COLEC11: variants seen among roughly 807,000 people sequenced by gnomAD.
COLEC11 encodes the protein collectin subfamily member 11.
In COLEC11, 20 loss-of-function variants were observed where a neutral mutation model predicts 27.3. That is an observed-to-expected ratio of 0.73 (90% confidence interval 0.51 to 1.06). The LOEUF is 1.06. COLEC11 is among the 50% of genes least tolerant of loss of function. COLEC11 has a pLI of 0.00. For missense variants in COLEC11, 310 were observed against 383.0 expected, an observed-to-expected ratio of 0.81 and a Z score of 1.59; for synonymous variants, 163 against 154.7, an observed-to-expected ratio of 1.05 and a Z score of -0.40.
At chr2:3,632,639 AT>A (rs1665104131) in intron 3 of COLEC11, among the ~76,000 whole-genome samples, 1 of 152,190 alleles carries the variant, frequency 6.6e-6, no homozygotes, top group East Asian at 1.9e-4. Context: ...CATCGTCAGA[AT>A]TTTGGAGGAT....
chr2:3,640,987 AC>A (rs949609966), intron 5 of COLEC11, among the ~76,000 whole-genome samples: 121 of 101,800 alleles, frequency 1.2e-3, no homozygotes, highest in Non-Finnish European at 5.0e-4. Context: ...CACGGTGGAC[AC>A]CCACCCACCA....
chr2:3,604,314 G>A lies in COLEC11; in HGVS notation c.-26-1G>A, dbSNP rs1307999201. On this transcript the variant is annotated splice_acceptor_variant, in intron 1 of 6. Transcript: ENST00000349077. LOFTEE classifies it low-confidence loss of function (5UTR_SPLICE). ...CACTGTTTATTCCTTCCTCTGTGTAGGAGTTGGTGTCCTGCCTGCGCTCAG... is the reference window on the plus strand; with the variant it reads ...CACTGTTTATTCCTTCCTCTGTGTAAGAGTTGGTGTCCTGCCTGCGCTCAG... The A allele has an allele frequency of 9.9e-6, 16 of 1,614,164 alleles. No individual in the cohort carries two copies. The highest frequency in any genetic ancestry group is 1.0e-5 in the Non-Finnish European group (12 of 1,179,990).
At chr2:3,635,493 A>G (rs115021215) in intron 3 of COLEC11, among the ~76,000 whole-genome samples, 330 of 151,482 alleles carry the variant, frequency 2.2e-3, no homozygotes, top group Non-Finnish European at 3.6e-3. Flanking sequence ...GATGCACCAC[A>G]CCCTCTCCGA....
At chr2:3,606,335 C>CCAA in intron 2 of COLEC11, 1 of 1,121,148 alleles carries the variant, frequency 8.9e-7, no homozygotes, top group Non-Finnish European at 1.3e-6. Flanking sequence ...AGGGTCCTTC[C>CCAA]CAGCTGTCCA....
At chr2:3,635,577 C>T (rs781376851) in intron 3 of COLEC11, among the ~76,000 whole-genome samples, 14 of 152,218 alleles carry the variant, frequency 9.2e-5, no homozygotes, top group Admixed American at 2.0e-4. Context: ...TTCCCTCGCA[C>T]GCACTGCAGT....
intron 3 of COLEC11, chr2:3,626,087 C>T (rs1490142418): frequency 5.0e-6 from 8 of 1,613,322 alleles, no homozygotes; most frequent in Admixed American, 1.7e-5. Flanking sequence ...GAAATGGGAT[C>T]ACAGGGTAAT....
chr2:3,613,976 CTTTCT>C (rs759418722), intron 3 of COLEC11, among the ~76,000 whole-genome samples: 5 of 91,310 alleles, frequency 5.5e-5, no homozygotes, highest in Admixed American at 1.4e-4. Context: ...TTCTTTCTTT[CTTTCT>C]TTTTTTTTTT....
At chr2:3,630,114 G>A (rs1664878987) in intron 3 of COLEC11, among the ~76,000 whole-genome samples, 1 of 109,336 alleles carries the variant, frequency 9.1e-6, no homozygotes, top group Non-Finnish European at 1.9e-5. Context: ...TATGTATGTG[G>A]AGGTGAATGC....
At chr2:3,603,381 A>C in intron 1 of COLEC11, 1 of 442,292 alleles carries the variant, frequency 2.3e-6, no homozygotes. Context: ...TAGTGGCGTG[A>C]TCTCAGGTCA....
chr2:3,616,764 G>T (rs1302202021), intron 3 of COLEC11, among the ~76,000 whole-genome samples: 2 of 150,188 alleles, frequency 1.3e-5, no homozygotes, highest in East Asian at 3.9e-4. Context: ...GAGAGGGAGA[G>T]GGAGACCGTG....
intron 2 of COLEC11, chr2:3,605,957 G>C: frequency 1.8e-6 from 2 of 1,116,712 alleles, no homozygotes; most frequent in Non-Finnish European, 2.5e-6. Flanking sequence ...AAGCCCAGTG[G>C]CCTTTGTGCT....
Position 3,643,556 on chromosome 2 carries a change from G to A in COLEC11, c.424+17G>A, listed in dbSNP as rs750376776. The stretch of plus-strand genomic sequence containing the variant: ...TCAAGAATGGTATGTGGCTCCCGGC[G>A]CCGCCCTCGCTCCCTCCCACCTCCC... On this transcript the variant is annotated intron_variant, in intron 6 of 6. Transcript: ENST00000349077. 2.2e-5 allele frequency: 35 copies of A among 1,609,050 alleles called. No homozygotes were observed. Among genetic ancestry groups the A allele is most frequent in the Admixed American group, 3.3e-5 (2 of 59,990 alleles).
At position 3,644,276 on chromosome 2, in the gene COLEC11, T is replaced by C. The variant is rs1230383754; in HGVS notation, c.*158T>C. The C allele has an allele frequency of 1.3e-5, 12 of 900,296 alleles. No individual in the cohort carries two copies. The highest frequency in any genetic ancestry group is 3.5e-6 in the Non-Finnish European group (2 of 566,344). 55.8% of individuals were successfully genotyped at this position (900,296 alleles called of 1,614,324 possible). A position where few individuals can be genotyped will look rare whatever the true frequency, so the allele number is the denominator to read the frequency against. On this transcript the variant is annotated 3_prime_UTR_variant, in exon 7 of 7. Coordinates refer to ENST00000349077, the MANE Select transcript of COLEC11 (RefSeq NM_024027.5). The stretch of plus-strand genomic sequence containing the variant: ...TTGTCTAAACTGAGAAAATGGCCTA[T>C]GCTTAAGAGGAAAATGAAAGTGTTC...
chr2:3,606,680 C>T (rs1338284137), intron 2 of COLEC11, among the ~76,000 whole-genome samples: 1 of 152,228 alleles, frequency 6.6e-6, no homozygotes. Flanking sequence ...GGTGTCCGTC[C>T]AGCACGTGCC....
intron 3 of COLEC11, among the ~76,000 whole-genome samples, chr2:3,628,090 T>C (rs1664690716): frequency 6.6e-6 from 1 of 152,266 alleles, no homozygotes; most frequent in Admixed American, 6.5e-5. Context: ...TCCTTGCGTC[T>C]TCAGGTCCTA....
intron 3 of COLEC11, among the ~76,000 whole-genome samples, chr2:3,628,679 G>T (rs1041176847): frequency 6.6e-6 from 1 of 152,236 alleles, no homozygotes; most frequent in Non-Finnish European, 1.5e-5. Context: ...AAAAAGCCAG[G>T]CCATGGCCCA....
At chr2:3,619,668 C>T (rs1664041144) in intron 3 of COLEC11, among the ~76,000 whole-genome samples, 1 of 152,180 alleles carries the variant, frequency 6.6e-6, no homozygotes, top group Non-Finnish European at 1.5e-5. Flanking sequence ...CTCTGTTGCC[C>T]AGGCTGGAGT....
intron 2 of COLEC11, among the ~76,000 whole-genome samples, chr2:3,606,399 T>C (rs892691251): frequency 2.6e-5 from 4 of 152,178 alleles, no homozygotes; most frequent in Admixed American, 2.6e-4. Context: ...GGGTCCCTTC[T>C]CAACCTTTGC....
rs758480176 is a variant in COLEC11, at chr2:3,643,558, C to T, written c.424+19C>T. The T allele has an allele frequency of 4.3e-5, 69 of 1,608,814 alleles. No individual in the cohort carries two copies. Among genetic ancestry groups the T allele is most frequent in the Non-Finnish European group, 4.4e-5 (52 of 1,175,746 alleles). Reference sequence around the variant, plus strand: ...AAGAATGGTATGTGGCTCCCGGCGCCGCCCTCGCTCCCTCCCACCTCCCAG... The same window carrying T: ...AAGAATGGTATGTGGCTCCCGGCGCTGCCCTCGCTCCCTCCCACCTCCCAG... On this transcript the variant is annotated intron_variant, in intron 6 of 6. Transcript: ENST00000349077.
Sources: gnomAD v4.1 joint callset for allele counts (sites outside exome capture counted in the v4.1 genomes callset) on GRCh38, gnomAD v4.1.1 for gene constraint, MANE v1.5 for transcripts, NCBI Gene and HGNC (gene_info 2026-07-23, HGNC 2026-07-21) for gene names.